Variants in DLGAP2 observed in about 807,000 individuals in gnomAD.
The protein encoded by DLGAP2 is DLG associated protein 2, also known as disks large-associated protein 2.
DLGAP2 carries 26 observed loss-of-function variants against 100.3 expected under a neutral mutation model. The observed-to-expected ratio is 0.26, with a 90% CI of 0.19 to 0.36. The LOEUF is 0.36. DLGAP2 is among the 10% of genes least tolerant of loss of function. The probability of loss-of-function intolerance (pLI) is 1.00; values close to 1 mark genes in which losing one functional copy is unlikely to be tolerated. For missense variants in DLGAP2, 1,858 were observed against 1,453.2 expected, an observed-to-expected ratio of 1.28 and a Z score of -4.53; for synonymous variants, 886 against 630.1, an observed-to-expected ratio of 1.41 and a Z score of -6.08.
At chr8:810,004 C>T (rs1384473732) in intron 1 of DLGAP2, among the ~76,000 whole-genome samples, 1 of 152,246 alleles carries the variant, frequency 6.6e-6, no homozygotes, top group East Asian at 1.9e-4. Flanking sequence ...AACTCTGCAC[C>T]TGACAATCTG....
chr8:1,219,499 G>A (rs1798276024), intron 2 of DLGAP2, among the ~76,000 whole-genome samples: 1 of 152,138 alleles, frequency 6.6e-6, no homozygotes, highest in Non-Finnish European at 1.5e-5. Flanking sequence ...ATCTTAATGT[G>A]CTGCTGGATT....
intron 2 of DLGAP2, among the ~76,000 whole-genome samples, chr8:963,222 G>A (rs540486105): frequency 2.6e-4 from 39 of 151,524 alleles, no homozygotes; most frequent in African/African-American, 8.8e-4. Context: ...AGAGGTGGAT[G>A]TAGCTTCGCC....
At chr8:1,625,154 C>T (rs973758062) in intron 6 of DLGAP2, among the ~76,000 whole-genome samples, 6 of 152,190 alleles carry the variant, frequency 3.9e-5, no homozygotes, top group African/African-American at 1.4e-4. Context: ...GAGTCAGAAT[C>T]GTCCACCTAA....
At chr8:1,389,030 C>T (rs1429815657) in intron 3 of DLGAP2, among the ~76,000 whole-genome samples, 1 of 144,632 alleles carries the variant, frequency 6.9e-6, no homozygotes, top group Non-Finnish European at 1.5e-5. Flanking sequence ...GATGAGGAGG[C>T]GCTGGTTCAG....
intron 2 of DLGAP2, among the ~76,000 whole-genome samples, chr8:1,118,726 A>AT (rs1170606306): frequency 6.6e-6 from 1 of 152,198 alleles, no homozygotes; most frequent in Non-Finnish European, 1.5e-5. Context: ...TTGGAGATAA[A>AT]TATACATGTA....
intron 2 of DLGAP2, among the ~76,000 whole-genome samples, chr8:1,202,802 G>C (rs552995101): frequency 6.6e-6 from 1 of 152,314 alleles, no homozygotes; most frequent in East Asian, 1.9e-4. Context: ...AATCACCCAA[G>C]CCACTGAACA....
intron 2 of DLGAP2, among the ~76,000 whole-genome samples, chr8:984,567 T>C (rs1800433048): frequency 6.6e-6 from 1 of 152,146 alleles, no homozygotes; most frequent in Non-Finnish European, 1.5e-5. Flanking sequence ...GCAAAGATTG[T>C]GTAGAGCAGG....
At chr8:1,191,018 C>T (rs1178080998) in intron 2 of DLGAP2, among the ~76,000 whole-genome samples, 1 of 152,106 alleles carries the variant, frequency 6.6e-6, no homozygotes, top group African/African-American at 2.4e-5. Context: ...GCTAAGGGAC[C>T]TGAGTCCAGC....
At chr8:1,272,679 G>T (rs1799607095) in intron 3 of DLGAP2, among the ~76,000 whole-genome samples, 1 of 152,264 alleles carries the variant, frequency 6.6e-6, no homozygotes, top group East Asian at 1.9e-4. Flanking sequence ...CAACTGGTGT[G>T]CAGGACCCTA....
At chr8:1,567,698 A>G (rs754877530) in intron 6 of DLGAP2, among the ~76,000 whole-genome samples, 25 of 152,236 alleles carry the variant, frequency 1.6e-4, no homozygotes, top group African/African-American at 2.4e-4. Flanking sequence ...AGTACTAACA[A>G]TGTTCAAAGG....
At chr8:936,750 G>T (rs1300240330) in intron 2 of DLGAP2, among the ~76,000 whole-genome samples, 1 of 152,124 alleles carries the variant, frequency 6.6e-6, no homozygotes, top group African/African-American at 2.4e-5. Flanking sequence ...GAGGTGGCAG[G>T]GAGCTGCTGT....
intron 2 of DLGAP2, among the ~76,000 whole-genome samples, chr8:1,176,580 C>T (rs1312394443): frequency 8.5e-6 from 1 of 117,230 alleles, no homozygotes; most frequent in South Asian, 2.7e-4. Context: ...CAGGTCCCAC[C>T]CATCTCAATC....
At chr8:1,374,595 G>A (rs1585312487) in intron 3 of DLGAP2, among the ~76,000 whole-genome samples, 1 of 152,286 alleles carries the variant, frequency 6.6e-6, no homozygotes, top group Non-Finnish European at 1.5e-5. Context: ...TCCTTCCTGT[G>A]ATGTAACCAT....
chr8:1,193,085 G>T (rs185299496), intron 2 of DLGAP2, among the ~76,000 whole-genome samples: 256 of 152,184 alleles, frequency 1.7e-3, no homozygotes, highest in Non-Finnish European at 2.2e-3. Context: ...TTGGACATTT[G>T]GGTTGCTTCC....
At chr8:1,514,590 C>G (rs1388662192) in intron 4 of DLGAP2, among the ~76,000 whole-genome samples, 1 of 152,214 alleles carries the variant, frequency 6.6e-6, no homozygotes, top group Non-Finnish European at 1.5e-5. Context: ...GTGTTTCTCA[C>G]CTCCAGGCGC....
chr8:1,039,469 C>G (rs1802238168), intron 2 of DLGAP2, among the ~76,000 whole-genome samples: 1 of 145,394 alleles, frequency 6.9e-6, no homozygotes. Flanking sequence ...TATGCATGTT[C>G]AGCTCGGTTT....
At chr8:1,290,721 C>T (rs917065788) in intron 3 of DLGAP2, among the ~76,000 whole-genome samples, 13 of 152,316 alleles carry the variant, frequency 8.5e-5, no homozygotes, top group African/African-American at 3.1e-4. Flanking sequence ...ATACATTTTA[C>T]ATTCCAGACA....
intron 3 of DLGAP2, among the ~76,000 whole-genome samples, chr8:1,323,325 C>T (rs549730321): frequency 1.3e-5 from 2 of 152,304 alleles, no homozygotes; most frequent in East Asian, 1.9e-4. Flanking sequence ...CCACTGCACC[C>T]GGCCTGAAAC....
chr8:1,198,108 A>G (rs575530147), intron 2 of DLGAP2, among the ~76,000 whole-genome samples: 44 of 151,578 alleles, frequency 2.9e-4, no homozygotes, highest in African/African-American at 9.2e-4. Flanking sequence ...GTGTGTGTGT[A>G]CGTGTGTGCG....
Sources: gnomAD v4.1 joint callset for allele counts (sites outside exome capture counted in the v4.1 genomes callset) on GRCh38, gnomAD v4.1.1 for gene constraint, MANE v1.5 for transcripts, NCBI Gene and HGNC (gene_info 2026-07-23, HGNC 2026-07-21) for gene names.